Variants in CTNNA1 observed in about 807,000 individuals in gnomAD.
The protein encoded by CTNNA1 is catenin alpha 1, also known as catenin alpha-1.
Under a neutral mutation model 98.4 loss-of-function variants are expected in CTNNA1, and 37 were observed. The observed-to-expected ratio is 0.38, with a 90% CI of 0.29 to 0.49. The LOEUF is 0.49. CTNNA1 is among the 20% of genes least tolerant of loss of function. The pLI, the probability that CTNNA1 is intolerant of heterozygous loss-of-function variation, is 0.95. For missense variants in CTNNA1, 761 were observed against 1,147.2 expected (o/e 0.66, Z 4.86); for synonymous variants, 404 against 413.2 (o/e 0.98, Z 0.27).
intron 1 of CTNNA1, among the ~76,000 whole-genome samples, chr5:138,776,646 C>G (rs1221832726): frequency 4.0e-4 from 61 of 151,546 alleles, no homozygotes; most frequent in Non-Finnish European, 6.6e-4. Context: ...CCTCACCTCC[C>G]GGACGGGGCG....
At chr5:138,832,983 T>C (rs1050959487) in intron 7 of CTNNA1, among the ~76,000 whole-genome samples, 4 of 152,214 alleles carry the variant, frequency 2.6e-5, no homozygotes, top group Non-Finnish European at 5.9e-5. Context: ...ATATGCTGAC[T>C]GTTAATATGT....
At position 138,811,791 on chromosome 5, in the gene CTNNA1, G is replaced by A. The variant is rs1019417307; in HGVS notation, c.469-392G>A. On this transcript the variant is annotated intron_variant, in intron 4 of 17. Transcript: ENST00000302763. Reference sequence around the variant, plus strand: ...AAACCAGTCAGGCGTGGCAGCGCACGCCTGCAAATCGCAGGCACTCGGCAG... The same window carrying A: ...AAACCAGTCAGGCGTGGCAGCGCACACCTGCAAATCGCAGGCACTCGGCAG... 3.9e-5 allele frequency among the ~76,000 whole-genome samples: 6 copies of A among 152,302 alleles called. No individual in the cohort carries two copies. In the South Asian group the frequency reaches 8.3e-4, roughly 21 times the overall value.
intron 7 of CTNNA1, among the ~76,000 whole-genome samples, chr5:138,882,885 A>G (rs1344475350): frequency 1.3e-5 from 2 of 152,192 alleles, no homozygotes; most frequent in Admixed American, 6.5e-5. Context: ...CTGGAGTGCA[A>G]TGGCACAATC....
intron 7 of CTNNA1, among the ~76,000 whole-genome samples, chr5:138,840,355 G>A (rs910793985): frequency 6.6e-6 from 1 of 152,130 alleles, no homozygotes; most frequent in African/African-American, 2.4e-5. Flanking sequence ...TGTAGTTCAG[G>A]CATCTAATCA....
At chr5:138,845,723 A>G (rs1762654756) in intron 7 of CTNNA1, among the ~76,000 whole-genome samples, 1 of 152,200 alleles carries the variant, frequency 6.6e-6, no homozygotes. Flanking sequence ...CATAAGGAGC[A>G]AATTTAGACT....
At chr5:138,753,749 T>G in intron 1 of CTNNA1, 2 of 291,570 alleles carry the variant, frequency 6.9e-6, no homozygotes, top group Non-Finnish European at 1.3e-5. Flanking sequence ...CGGCCGGCGC[T>G]TCCCAGCGCT....
chr5:138,825,502 G>T lies in CTNNA1; in HGVS notation c.858+703G>T, dbSNP rs1281864500. Among the ~76,000 whole-genome samples the T allele has an allele frequency of 1.6e-3, 21 of 13,448 alleles. 1 individual carries two copies. The highest frequency in any genetic ancestry group is 0.05 in the East Asian group (1 of 20). 8.8% of individuals were successfully genotyped at this position (13,448 alleles called of 152,430 possible). The stretch of plus-strand genomic sequence containing the variant: ...TATAAGTTTTTTTTTTTTTTTTAGG[G>T]CTTTAAAAGTAACTGTTGGGGCTAA... On this transcript the variant is annotated intron_variant, in intron 6 of 17. Transcript: ENST00000302763.
At chr5:138,850,135 T>A (rs1763062347) in intron 7 of CTNNA1, among the ~76,000 whole-genome samples, 2 of 152,356 alleles carry the variant, frequency 1.3e-5, no homozygotes, top group South Asian at 4.1e-4. Flanking sequence ...AAAACAATGT[T>A]TTCCTAATGT....
At chr5:138,926,112 CT>C (rs1474369835) in intron 13 of CTNNA1, among the ~76,000 whole-genome samples, 2 of 152,222 alleles carry the variant, frequency 1.3e-5, no homozygotes, top group Non-Finnish European at 2.9e-5. Context: ...GCTTTTGTCA[CT>C]GCCTGCCATT....
intron 7 of CTNNA1, among the ~76,000 whole-genome samples, chr5:138,861,001 G>C (rs532486921): frequency 6.6e-6 from 1 of 152,004 alleles, no homozygotes; most frequent in East Asian, 1.9e-4. Flanking sequence ...GAGAGGTAGC[G>C]CTGTCAAGGC....
intron 9 of CTNNA1, among the ~76,000 whole-genome samples, chr5:138,901,598 A>T (rs1045473649): frequency 6.6e-6 from 1 of 151,920 alleles, no homozygotes; most frequent in Non-Finnish European, 1.5e-5. Context: ...CCAATGAAAA[A>T]TTTTTTAATG....
At chr5:138,925,213 C>T (rs1338471153) in intron 12 of CTNNA1, 43 bp from the exon 13 acceptor site, 1 of 1,596,274 alleles carries the variant, frequency 6.3e-7, no homozygotes, top group Non-Finnish European at 8.5e-7. Context: ...GGGAATGATG[C>T]TGCCTGCTGA....
At chr5:138,876,052 T>C (rs1202690581) in intron 7 of CTNNA1, among the ~76,000 whole-genome samples, 1 of 152,198 alleles carries the variant, frequency 6.6e-6, no homozygotes, top group African/African-American at 2.4e-5. Flanking sequence ...AGTTGATCTT[T>C]AAATGTCCTC....
chr5:138,873,251 A>G lies in CTNNA1; in HGVS notation c.1063-12961A>G, dbSNP rs778494250. 6.2e-6 allele frequency: 10 copies of G among 1,613,680 alleles called. No homozygotes were observed. Among genetic ancestry groups the G allele is most frequent in the Non-Finnish European group, 8.5e-6 (10 of 1,179,776 alleles). ...CCTGGAGATGAACACTATAAAAATA[A>G]TAAAAAAGAAAGAAAACAATAAAGC... On this transcript the variant is annotated intron_variant, in intron 7 of 17. Transcript: ENST00000302763. The surrounding 1 kb of genome is among the most constrained non-coding windows in gnomAD (Gnocchi z 6.1).
intron 7 of CTNNA1, among the ~76,000 whole-genome samples, chr5:138,857,488 A>AAT (rs1554090584): frequency 9.9e-5 from 15 of 151,826 alleles, no homozygotes; most frequent in African/African-American, 3.6e-4. Context: ...AAAAAAAAAA[A>AAT]TTTTTTTAAA....
At chr5:138,758,512 G>A (rs952095162) in intron 1 of CTNNA1, among the ~76,000 whole-genome samples, 1 of 152,162 alleles carries the variant, frequency 6.6e-6, no homozygotes, top group Non-Finnish European at 1.5e-5. Context: ...CAAATAGCTG[G>A]ACTACAGGCA....
chr5:138,871,342 G>GT (rs1257274767), intron 7 of CTNNA1: 1 of 152,150 alleles, frequency 6.6e-6, no homozygotes, highest in Non-Finnish European at 1.5e-5. Flanking sequence ...TAATTTTACA[G>GT]TTTTTTCAAT....
chr5:138,862,038 T>C (rs530619426), intron 7 of CTNNA1, among the ~76,000 whole-genome samples: 9 of 152,236 alleles, frequency 5.9e-5, no homozygotes, highest in Non-Finnish European at 1.2e-4. Flanking sequence ...AGTTGTTTTC[T>C]TGACTTGAAG....
chr5:138,818,898 T>C (rs897488915), intron 5 of CTNNA1, among the ~76,000 whole-genome samples: 2 of 152,266 alleles, frequency 1.3e-5, no homozygotes, highest in Non-Finnish European at 2.9e-5. Context: ...CTGTGGCACC[T>C]GGATCTTGGG....
Sources: allele counts gnomAD v4.1 joint callset (sites outside exome capture counted in the v4.1 genomes callset), GRCh38; gene constraint gnomAD v4.1.1; non-coding constraint Gnocchi (gnomAD v3.1); transcripts MANE v1.5; gene names NCBI Gene and HGNC (gene_info 2026-07-23, HGNC 2026-07-21).